RBM25: variants seen among roughly 807,000 people sequenced by gnomAD.
RBM25 encodes the protein RNA-binding protein 25.
Under a neutral mutation model 120.7 loss-of-function variants are expected in RBM25, and 19 were observed. That is an observed-to-expected ratio of 0.16 (90% CI 0.11 to 0.23). The LOEUF is 0.23. RBM25 is among the 10% of genes least tolerant of loss of function. The pLI is 1.00. For synonymous variants in RBM25, 390 were observed against 326.7 expected (o/e 1.19, Z -2.09); for missense variants, 605 against 1,041.5 (o/e 0.58, Z 5.77).
intron 6 of RBM25, among the ~76,000 whole-genome samples, chr14:73,093,948 G>GT (rs1004873413): frequency 0.053 from 6,452 of 122,154 alleles, 252 homozygotes; most frequent in Non-Finnish European, 0.079. Context: ...ATCAGGTTTT[G>GT]TTTTTTTTTT....
In RBM25 at chr14:73,102,675, G is replaced by A. The variant is rs189570876; in HGVS notation, c.868-517G>A. The A allele has an allele frequency of 2.1e-3, 316 of 152,920 alleles. 1 individual carries two copies. Among genetic ancestry groups the A allele is most frequent in the Non-Finnish European group, 2.6e-3 (180 of 68,494 alleles). The allele number at this position is 152,920 out of a possible 1,614,324, so 9.5% of individuals were successfully genotyped here. On this transcript the variant is annotated intron_variant, in intron 9 of 18. Transcript: ENST00000261973. The stretch of plus-strand genomic sequence containing the variant: ...CAGTTCTTGGCTGAATTCAGCTTGT[G>A]TTTCTTTTGGAGGGTGGGCAAATCA...
chr14:73,078,263 A>G (rs1013650638), intron 4 of RBM25, among the ~76,000 whole-genome samples: 2 of 152,132 alleles, frequency 1.3e-5, no homozygotes, highest in African/African-American at 4.8e-5. Flanking sequence ...AGGTCGCGCT[A>G]CTGCACTCCA....
At chr14:73,076,731 G>A (rs1386097711) in intron 3 of RBM25, among the ~76,000 whole-genome samples, 1 of 152,166 alleles carries the variant, frequency 6.6e-6, no homozygotes, top group African/African-American at 2.4e-5. Context: ...AAGAACATAG[G>A]AATCCTTGTA....
intron 14 of RBM25, among the ~76,000 whole-genome samples, chr14:73,109,756 G>A (rs1317885305): frequency 6.6e-6 from 1 of 152,098 alleles, no homozygotes; most frequent in African/African-American, 2.4e-5. Flanking sequence ...TCGCGCCACT[G>A]CACTCCAGCC....
intron 10 of RBM25, among the ~76,000 whole-genome samples, chr14:73,104,377 T>A (rs919622369): frequency 4.6e-4 from 70 of 151,838 alleles, no homozygotes; most frequent in Admixed American, 2.6e-3. Flanking sequence ...ATTGATTTTT[T>A]TTTTTTTCTG....
At chr14:73,109,551 T>C (rs950015814) in intron 14 of RBM25, 59 bp downstream of exon 14, 3 of 1,530,260 alleles carry the variant, frequency 2.0e-6, no homozygotes, top group Non-Finnish European at 2.7e-6. Flanking sequence ...CCCAGCTCTT[T>C]GGGAGGCCGA....
Position 73,107,780 on chromosome 14 carries a change from T to C in RBM25, c.1468-46T>C, listed in dbSNP as rs1291572643. ...ACACAAAAAAGGGAAGAGTAATCTT[T>C]ATTACTTGTATGTTAATTTTATACA... On this transcript the variant is annotated intron_variant, in intron 12 of 18. Coordinates refer to ENST00000261973, the MANE Select transcript of RBM25 (RefSeq NM_021239.3). The C allele has an allele frequency of 3.0e-6, 4 of 1,347,340 alleles. No homozygotes were observed. In the African/African-American group the frequency reaches 5.8e-5, roughly 20 times the overall value. The allele number at this position is 1,347,340 out of a possible 1,614,324, so 83.5% of individuals were successfully genotyped here.
Position 73,097,059 on chromosome 14 carries a change from G to C in RBM25, c.688G>C (p.Asp230His). The change falls in exon 7 of 19, where the codon GAT becomes CAT. Residue 230 changes from aspartate to histidine, a missense_variant. By Grantham distance (81) the Asp-to-His change is moderately conservative. This residue lies in a region of RBM25 where 465 missense variants were observed against 741.6 expected (regional missense o/e 0.63). Coordinates refer to ENST00000261973, the MANE Select transcript of RBM25 (RefSeq NM_021239.3). The part of the protein sequence containing the change: ...SELNAPSQES[D>H]SHPRKKKKEK... Reference sequence around the variant, plus strand: ...GCTAAATGCCCCCTCACAGGAATCTGATTCTCACCCCAGGAAGAAGAAGAA... The same window carrying C: ...GCTAAATGCCCCCTCACAGGAATCTCATTCTCACCCCAGGAAGAAGAAGAA... The C allele has an allele frequency of 6.2e-7, 1 of 1,612,868 alleles. No individual in the cohort carries two copies.
At chr14:73,067,845 C>T (rs193257278) in intron 1 of RBM25, among the ~76,000 whole-genome samples, 45 of 151,938 alleles carry the variant, frequency 3.0e-4, no homozygotes, top group South Asian at 1.2e-3. Context: ...GTGATCCACC[C>T]GCTTCGGCCT....
At chr14:73,115,981 T>G (rs1896418557) in intron 18 of RBM25, among the ~76,000 whole-genome samples, 1 of 152,078 alleles carries the variant, frequency 6.6e-6, no homozygotes, top group Non-Finnish European at 1.5e-5. Flanking sequence ...GCCAGAGCAC[T>G]CATTTAAGTG....
At chr14:73,116,997 T>G (rs1170912381) in intron 18 of RBM25, among the ~76,000 whole-genome samples, 2 of 152,146 alleles carry the variant, frequency 1.3e-5, no homozygotes, top group Middle Eastern at 3.4e-3. Context: ...ATATTATACC[T>G]TTTTCATTTT....
At chr14:73,075,284 G>T (rs1214972191) in intron 2 of RBM25, among the ~76,000 whole-genome samples, 1 of 151,816 alleles carries the variant, frequency 6.6e-6, no homozygotes, top group Non-Finnish European at 1.5e-5. Flanking sequence ...TCAGCCTCCC[G>T]AGTAGCTGGG....
At chr14:73,087,589 G>A (rs1895717672) in intron 5 of RBM25, among the ~76,000 whole-genome samples, 1 of 151,506 alleles carries the variant, frequency 6.6e-6, no homozygotes, top group East Asian at 1.9e-4. Context: ...TAGAGACGGG[G>A]TTTCACTGTG....
intron 10 of RBM25, among the ~76,000 whole-genome samples, chr14:73,104,126 T>C (rs1896130537): frequency 6.6e-6 from 1 of 152,122 alleles, no homozygotes; most frequent in South Asian, 2.1e-4. Context: ...GACTCCCTGC[T>C]GTCTCCTTGG....
intron 1 of RBM25, among the ~76,000 whole-genome samples, chr14:73,063,221 C>T (rs1427502848): frequency 1.3e-5 from 2 of 151,228 alleles, no homozygotes; most frequent in East Asian, 3.9e-4. Flanking sequence ...ACAATCTCTG[C>T]TCACTGCAAG....
At chr14:73,076,478 A>C in intron 3 of RBM25, 110 bp downstream of exon 3, 1 of 931,512 alleles carries the variant, frequency 1.1e-6, no homozygotes, top group Non-Finnish European at 1.7e-6. Flanking sequence ...AATAACAAGG[A>C]CAGAATGACA....
intron 5 of RBM25, among the ~76,000 whole-genome samples, chr14:73,086,057 A>G (rs1895677675): frequency 6.6e-6 from 1 of 151,768 alleles, no homozygotes; most frequent in Admixed American, 6.6e-5. Flanking sequence ...AAGGTCATCT[A>G]GTATAATAGG....
chr14:73,074,533 A>G (rs1038744205), intron 2 of RBM25, among the ~76,000 whole-genome samples: 1 of 152,136 alleles, frequency 6.6e-6, no homozygotes, highest in African/African-American at 2.4e-5. Context: ...CAGGAGTTCA[A>G]GATCAGCCTG....
chr14:73,074,360 T>C (rs749403275), intron 2 of RBM25, among the ~76,000 whole-genome samples: 20 of 152,136 alleles, frequency 1.3e-4, no homozygotes, highest in Non-Finnish European at 2.1e-4. Context: ...GCTGAGACTA[T>C]AGATGTGTGC....
Sources: allele counts gnomAD v4.1 joint callset (sites outside exome capture counted in the v4.1 genomes callset), GRCh38; gene constraint gnomAD v4.1.1; regional missense constraint gnomAD v4.1.1; transcripts MANE v1.5; gene names NCBI Gene and HGNC (gene_info 2026-07-23, HGNC 2026-07-21).